The following DNAH11 variants were observed in gnomAD, a reference collection of about 807,000 sequenced individuals.
DNAH11 encodes dynein axonemal heavy chain 11.
DNAH11 carries 442 observed loss-of-function variants against 526.0 expected under a neutral mutation model. That is an observed-to-expected ratio of 0.84 (90% CI 0.78 to 0.91). DNAH11 has a LOEUF of 0.91. DNAH11 is among the 40% of genes least tolerant of loss of function. The pLI is 0.00. For synonymous variants in DNAH11, 2,461 were observed against 1,935.9 expected, an observed-to-expected ratio of 1.27 and a Z score of -7.12; for missense variants, 6,989 against 5,448.7, an observed-to-expected ratio of 1.28 and a Z score of -8.90.
chr7:21,872,961 C>A (rs1237781161), intron 73 of DNAH11, among the ~76,000 whole-genome samples: 1 of 152,140 alleles, frequency 6.6e-6, no homozygotes, highest in Non-Finnish European at 1.5e-5. Flanking sequence ...AAGTACTAGG[C>A]AACTCCATCT....
intron 13 of DNAH11, 27 bp from the exon 14 acceptor site, chr7:21,591,158 T>G: frequency 6.6e-7 from 1 of 1,521,558 alleles, no homozygotes; most frequent in Non-Finnish European, 8.7e-7. Flanking sequence ...ATTTGGCACT[T>G]TTTGTTTTGG....
At chr7:21,852,367 A>G (rs1306265705) in intron 66 of DNAH11, 100 bp from the exon 67 acceptor site, 17 of 1,256,288 alleles carry the variant, frequency 1.4e-5, no homozygotes, top group Non-Finnish European at 1.7e-5. Flanking sequence ...AGATCATACC[A>G]CTGTACTCCA....
intron 79 of DNAH11, among the ~76,000 whole-genome samples, chr7:21,897,605 C>A (rs1398215788): frequency 7.7e-6 from 1 of 129,548 alleles, no homozygotes; most frequent in African/African-American, 2.7e-5. Flanking sequence ...TTTAGGAAAA[C>A]TCAAATTTTC....
intron 59 of DNAH11, 117 bp downstream of exon 59, chr7:21,786,884 CT>C: frequency 7.1e-7 from 1 of 1,405,236 alleles, no homozygotes; most frequent in South Asian, 1.4e-5. Flanking sequence ...TTCATAGTTG[CT>C]GAATGTAATC....
chr7:21,891,185 A>C (rs1346974245), intron 76 of DNAH11, among the ~76,000 whole-genome samples: 1 of 152,196 alleles, frequency 6.6e-6, no homozygotes, highest in African/African-American at 2.4e-5. Context: ...GGTGGTGGGT[A>C]CATATTACTG....
intron 68 of DNAH11, among the ~76,000 whole-genome samples, chr7:21,854,741 C>T (rs975817243): frequency 2.3e-4 from 35 of 151,616 alleles, no homozygotes; most frequent in African/African-American, 7.3e-4. Flanking sequence ...CAGGGTTTTG[C>T]CACATTGCCC....
chr7:21,880,995 T>C (rs1583807256), intron 75 of DNAH11, 102 bp downstream of exon 75: 1 of 1,050,162 alleles, frequency 9.5e-7, no homozygotes, highest in Non-Finnish European at 1.3e-6. Context: ...GAAGCTATTA[T>C]TGAAATAGCT....
chr7:21,676,947 C>CAG, intron 30 of DNAH11, among the ~76,000 whole-genome samples: 1 of 152,276 alleles, frequency 6.6e-6, no homozygotes, highest in East Asian at 1.9e-4. Flanking sequence ...ATCTGTTCAG[C>CAG]ATACACCCAT....
intron 48 of DNAH11, among the ~76,000 whole-genome samples, chr7:21,741,696 T>G (rs1446738562): frequency 1.3e-5 from 2 of 152,190 alleles, no homozygotes; most frequent in African/African-American, 2.4e-5. Flanking sequence ...GTCAGAGGCT[T>G]AACAAAGTAA....
At chr7:21,674,045 T>C (rs1782755405) in intron 30 of DNAH11, among the ~76,000 whole-genome samples, 1 of 151,532 alleles carries the variant, frequency 6.6e-6, no homozygotes, top group Non-Finnish European at 1.5e-5. Context: ...TGTGTGTGTG[T>C]GTGTGTGTGT....
chr7:21,810,763 G>A lies in DNAH11; in HGVS notation c.10332+2714G>A, dbSNP rs552165414. ...ATAGGCAGGTAAGCCAGAAAGAAAG[G>A]AGGTGAGGAAAGTCAAGCAGTGACT... On this transcript the variant is annotated intron_variant, in intron 63 of 81. Transcript: ENST00000409508. 8.3e-4 allele frequency among the ~76,000 whole-genome samples: 126 copies of A among 152,246 alleles called. 1 individual carries two copies. The highest frequency in any genetic ancestry group is 2.8e-3 in the African/African-American group (118 of 41,550).
At chr7:21,568,815 C>T (rs1025728498) in intron 6 of DNAH11, among the ~76,000 whole-genome samples, 5 of 151,392 alleles carry the variant, frequency 3.3e-5, no homozygotes, top group African/African-American at 7.3e-5. Context: ...TTTTCAGCAT[C>T]CTAAAAAGAC....
intron 42 of DNAH11, among the ~76,000 whole-genome samples, chr7:21,715,349 G>A (rs949418386): frequency 2.6e-5 from 4 of 152,208 alleles, no homozygotes; most frequent in African/African-American, 9.6e-5. Flanking sequence ...CTGCAGGAAG[G>A]AGAAACAACT....
chr7:21,791,170 G>A (rs978710706), intron 61 of DNAH11, among the ~76,000 whole-genome samples: 11 of 152,130 alleles, frequency 7.2e-5, no homozygotes, highest in African/African-American at 2.4e-4. Context: ...GTGATGAGGC[G>A]GCACAACCCT....
intron 75 of DNAH11, 84 bp downstream of exon 75, chr7:21,880,977 T>C: frequency 7.8e-7 from 1 of 1,277,392 alleles, no homozygotes; most frequent in South Asian, 1.5e-5. Flanking sequence ...GACCATAATT[T>C]CTCTTTTGAA....
chr7:21,655,837 A>G lies in DNAH11; in HGVS notation c.4950A>G (p.Thr1650=), dbSNP rs375580693. ...TTCTAATATTCTCATTTTAGGTAAC[A>G]TGTCACCTTGCCAAACTTTTCGACA... is the stretch of plus-strand genomic sequence containing the variant. The part of the protein sequence containing the change: ...LSKGAQPKQV[T]CHLAKLFDSI... Residue 1650 remains threonine (T), a synonymous_variant, in exon 29 of 82, where the codon ACA becomes ACG. Transcript: ENST00000409508. 1.2e-6 allele frequency: 2 copies of G among 1,612,650 alleles called. No individual in the cohort carries two copies. The highest frequency in any genetic ancestry group is 1.7e-6 in the Non-Finnish European group (2 of 1,179,194).
At chr7:21,892,159 G>A (rs1027178424) in intron 76 of DNAH11, among the ~76,000 whole-genome samples, 1 of 152,102 alleles carries the variant, frequency 6.6e-6, no homozygotes, top group African/African-American at 2.4e-5. Context: ...TTCCTTTTGT[G>A]TGCATGTATC....
At chr7:21,880,562 A>C (rs946970599) in intron 74 of DNAH11, 140 bp from the exon 75 acceptor site, 9 of 804,556 alleles carry the variant, frequency 1.1e-5, no homozygotes, top group Non-Finnish European at 2.0e-6. Context: ...TAAGCTTCTC[A>C]TTGGATAAGT....
At chr7:21,854,596 C>T (rs1363442902) in intron 68 of DNAH11, 141 bp downstream of exon 68, 5 of 992,504 alleles carry the variant, frequency 5.0e-6, no homozygotes, top group East Asian at 2.8e-5. Context: ...GTAGCCCAGG[C>T]TGGAGTGCAG....
Sources: allele counts gnomAD v4.1 joint callset (sites outside exome capture counted in the v4.1 genomes callset), GRCh38; gene constraint gnomAD v4.1.1; transcripts MANE v1.5; gene names NCBI Gene and HGNC (gene_info 2026-07-23, HGNC 2026-07-21).